Variants in SLC18B1 observed in about 807,000 individuals in gnomAD.
SLC18B1 encodes the protein solute carrier family 18 member B1.
A neutral mutation model predicts 53.9 loss-of-function variants in SLC18B1; 62 were observed. The observed-to-expected ratio is 1.15, with a 90% CI of 0.94 to 1.42. The LOEUF is 1.42. Ranked by LOEUF, SLC18B1 falls within the 40% of genes most tolerant of loss-of-function variation. The pLI is 0.00. For missense variants in SLC18B1, 598 were observed against 547.3 expected (o/e 1.09, Z -0.93); for synonymous variants, 217 against 200.9 (o/e 1.08, Z -0.68).
In SLC18B1 at chr6:132,797,107, C is replaced by T; in HGVS notation, c.58G>A (p.Gly20Arg). 6.2e-7 allele frequency: 1 copy of T among 1,613,552 alleles called. No homozygotes were observed. Among genetic ancestry groups the T allele is most frequent in the Non-Finnish European group, 8.5e-7 (1 of 1,179,846 alleles). Residue 20 changes from glycine (G) to arginine (R), a missense_variant, in exon 2 of 14, where the codon GGA becomes AGA. By Grantham distance (125) the Gly-to-Arg change is moderately radical. Coordinates refer to ENST00000275227, the MANE Select transcript of SLC18B1 (RefSeq NM_052831.3). ...PRAPGGDDPA[G>R]SAGETPGWLS... The stretch of plus-strand genomic sequence containing the variant: ...CACCCGGGGGTCTCTCCTGCACTTC[C>T]TGCAGGATCATCACCTTGAATGCAA...
chr6:132,787,978 G>T (rs1286926734), intron 4 of SLC18B1, among the ~76,000 whole-genome samples: 1 of 151,890 alleles, frequency 6.6e-6, no homozygotes, highest in Non-Finnish European at 1.5e-5. Flanking sequence ...TGGCCAACAC[G>T]GTGAAACCCC....
chr6:132,772,092 C>CA (rs200939302), intron 11 of SLC18B1, 40 bp downstream of exon 11: 138,796 of 1,081,990 alleles, frequency 0.13, 99 homozygotes, highest in Non-Finnish European at 0.13. Context: ...AACTCCATCT[C>CA]AAAAAAAAAA....
At chr6:132,796,027 A>T (rs555960737) in intron 2 of SLC18B1, among the ~76,000 whole-genome samples, 3 of 152,150 alleles carry the variant, frequency 2.0e-5, no homozygotes, top group Non-Finnish European at 4.4e-5. Flanking sequence ...AGACTGCCCA[A>T]CATGGCAAAA....
chr6:132,796,533 A>G (rs759554916), intron 2 of SLC18B1, among the ~76,000 whole-genome samples: 16 of 31,848 alleles, frequency 5.0e-4, no homozygotes, highest in African/African-American at 7.4e-4. Flanking sequence ...TCTCGAAAGG[A>G]AAAAAAAAAA....
intron 8 of SLC18B1, among the ~76,000 whole-genome samples, chr6:132,776,075 A>G (rs946160238): frequency 6.6e-6 from 1 of 152,200 alleles, no homozygotes; most frequent in African/African-American, 2.4e-5. Context: ...AAATTAGAAA[A>G]GGAAAGTCTA....
intron 2 of SLC18B1, 108 bp downstream of exon 2, chr6:132,796,874 T>C (rs1334043228): frequency 2.5e-6 from 3 of 1,192,448 alleles, no homozygotes; most frequent in Non-Finnish European, 3.4e-6. Context: ...ATCTGTCCTA[T>C]ATGCAGATTT....
chr6:132,777,801 C>T (rs995372485), intron 7 of SLC18B1, among the ~76,000 whole-genome samples: 5 of 152,216 alleles, frequency 3.3e-5, no homozygotes, highest in African/African-American at 1.2e-4. Context: ...TGTTTAGACA[C>T]AGCTTCTTAA....
At chr6:132,788,078 A>G (rs1425283611) in intron 4 of SLC18B1, among the ~76,000 whole-genome samples, 1 of 151,826 alleles carries the variant, frequency 6.6e-6, no homozygotes, top group Non-Finnish European at 1.5e-5. Flanking sequence ...GGAGAATGGC[A>G]TGAACCTGGG....
At chr6:132,793,122 CAATA>C (rs34648566) in intron 2 of SLC18B1, among the ~76,000 whole-genome samples, 3 of 151,810 alleles carry the variant, frequency 2.0e-5, no homozygotes, top group Non-Finnish European at 2.9e-5. Flanking sequence ...GGCTCTGTCT[CAATA>C]AATAAATAAA....
chr6:132,790,088 GTATCA>G (rs1781484725), intron 3 of SLC18B1, 84 bp downstream of exon 3: 3 of 957,128 alleles, frequency 3.1e-6, no homozygotes, highest in Admixed American at 5.2e-5. Flanking sequence ...GGCTATTTCT[GTATCA>G]ATGCAAATTC....
At position 132,783,926 on chromosome 6, in the gene SLC18B1, G is replaced by A. The variant is rs1299395165; in HGVS notation, c.658+7C>T. 2 of 1,580,312 alleles carry A rather than the reference G, an allele frequency of 1.3e-6. No homozygotes were observed. Among genetic ancestry groups the A allele is most frequent in the South Asian group, 2.4e-5 (2 of 84,594 alleles). ...GTTCTTAAAATGAGTAATAAGTGTG[G>A]ACTTACCGTAATTGGGTAAAATATA... On this transcript the variant is annotated splice_region_variant and intron_variant, in intron 6 of 13. Transcript: ENST00000275227.
rs1781011525 is a variant in SLC18B1, at chr6:132,772,904, A to T, written c.1085+89T>A. On this transcript the variant is annotated intron_variant, in intron 10 of 13. Transcript: ENST00000275227. Reference sequence around the variant, plus strand: ...TTTAACATTGGGGCAAAAATATCCAACATGCTGCAAAATTGAGAAATTCAA... The same window carrying T: ...TTTAACATTGGGGCAAAAATATCCATCATGCTGCAAAATTGAGAAATTCAA... 3 of 905,174 alleles carry T rather than the reference A, an allele frequency of 3.3e-6. No individual in the cohort carries two copies. In the East Asian group the frequency reaches 7.4e-5, roughly 22 times the overall value. The allele number at this position is 905,174 out of a possible 1,614,324, so 56.1% of individuals were successfully genotyped here. A position where few individuals can be genotyped will look rare whatever the true frequency, so the allele number is the denominator to read the frequency against.
intron 4 of SLC18B1, among the ~76,000 whole-genome samples, chr6:132,789,254 G>A (rs1341705704): frequency 6.6e-6 from 1 of 152,172 alleles, no homozygotes; most frequent in Non-Finnish European, 1.5e-5. Context: ...ATCAGCAAAG[G>A]TCAGGCCAGC....
In SLC18B1 at chr6:132,787,657, TA is replaced by T. The variant is rs1318151669; in HGVS notation, c.354-77del. The T allele has an allele frequency of 6.9e-6, 9 of 1,304,162 alleles. No homozygotes were observed. In the African/African-American group the frequency reaches 1.4e-4, roughly 20 times the overall value. The allele number at this position is 1,304,162 out of a possible 1,614,324, so 80.8% of individuals were successfully genotyped here. A position where few individuals can be genotyped will look rare whatever the true frequency, so the allele number is the denominator to read the frequency against. On this transcript the variant is annotated intron_variant, in intron 4 of 13. Transcript: ENST00000275227. ...TTTTTTCCTTTTTAACTGTACTCAC[TA>T]AAAAGAATAGTACCTCACTCATGGT...
At chr6:132,770,538 C>T (rs1246657193) in intron 13 of SLC18B1, among the ~76,000 whole-genome samples, 17 of 152,070 alleles carry the variant, frequency 1.1e-4, no homozygotes. Context: ...GAGTTCGAGA[C>T]CAGCCTGGCC....
intron 11 of SLC18B1, 25 bp downstream of exon 11, chr6:132,772,107 A>AT: frequency 6.7e-7 from 1 of 1,492,482 alleles, no homozygotes; most frequent in Non-Finnish European, 9.1e-7. Context: ...AAAAAAAAAA[A>AT]GAAAGAAATT....
In SLC18B1 at chr6:132,772,162, G is replaced by A. The variant is rs1780992968; in HGVS notation, c.1130C>T (p.Ser377Leu). The A allele has an allele frequency of 2.5e-6, 4 of 1,579,532 alleles. No homozygotes were observed. The highest frequency in any genetic ancestry group is 3.8e-5 in the Admixed American group (2 of 52,752). Reference sequence around the variant, plus strand: ...TGACCACATTGCACTAAAAAGACCTGATACAAGTCCCAATGTACTTAATCC... The same window carrying A: ...TGACCACATTGCACTAAAAAGACCTAATACAAGTCCCAATGTACTTAATCC... ...EEGLSTLGLV[S>L]GLFSAMWSIG... is the part of the protein sequence containing the mutation. Residue 377 changes from serine (S) to leucine (L), a missense_variant, in exon 11 of 14, where the codon TCA (serine) becomes TTA (leucine). Physicochemically the swap from Ser to Leu is moderately radical, Grantham distance 145. Transcript: ENST00000275227.
chr6:132,797,046 G>A lies in SLC18B1; in HGVS notation c.119C>T (p.Ala40Val). 6.2e-7 allele frequency: 1 copy of A among 1,614,156 alleles called. No homozygotes were observed. Among genetic ancestry groups the A allele is most frequent in the Middle Eastern group, 1.6e-4 (1 of 6,062 alleles). ...SREQVFVLIS[A>V]ASVNLGSMMC... Reference sequence around the variant, plus strand: ...CATGGAACCTAAGTTCACCGAAGCTGCCGATATCAGTACAAAAACCTGTTC... The same window carrying A: ...CATGGAACCTAAGTTCACCGAAGCTACCGATATCAGTACAAAAACCTGTTC... The change falls in exon 2 of 14, where the codon GCA (alanine) becomes GTA (valine). Residue 40 changes from alanine to valine, a missense_variant. Coordinates refer to ENST00000275227, the MANE Select transcript of SLC18B1 (RefSeq NM_052831.3).
chr6:132,770,394 A>G (rs1199917051), intron 13 of SLC18B1, 58 bp from the exon 14 acceptor site: 4 of 1,458,842 alleles, frequency 2.7e-6, no homozygotes, highest in East Asian at 4.5e-5. Context: ...AAACAAACAA[A>G]CAAACAAAAA....
Sources: allele counts gnomAD v4.1 joint callset (sites outside exome capture counted in the v4.1 genomes callset), GRCh38; gene constraint gnomAD v4.1.1; transcripts MANE v1.5; gene names NCBI Gene and HGNC (gene_info 2026-07-23, HGNC 2026-07-21).